The following RB1 variants were observed in gnomAD, a reference collection of about 807,000 sequenced individuals.
RB1 encodes the protein retinoblastoma-associated protein.
RB1 carries 18 observed loss-of-function variants against 135.4 expected under a neutral mutation model. The ratio of observed to expected loss-of-function variants is 0.13; its 90% CI spans 0.09 to 0.20. The LOEUF is 0.20. Among genes scored for constraint, RB1 ranks in the 10% least tolerant of loss-of-function variants. The probability of loss-of-function intolerance (pLI) is 1.00; values close to 1 mark genes in which losing one functional copy is unlikely to be tolerated. For synonymous variants in RB1, 365 were observed against 373.2 expected, an observed-to-expected ratio of 0.98 and a Z score of 0.25; for missense variants, 868 against 1,110.0, an observed-to-expected ratio of 0.78 and a Z score of 3.10.
intron 6 of RB1, 148 bp from the exon 7 acceptor site, chr13:48,359,869 T>TG: frequency 1.6e-6 from 2 of 1,258,236 alleles, no homozygotes; most frequent in South Asian, 3.4e-5. Context: ...ATTTTTTTTT[T>TG]TTTTACAAAA....
intron 17 of RB1, among the ~76,000 whole-genome samples, chr13:48,386,247 G>T (rs1473022550): frequency 1.3e-5 from 2 of 152,092 alleles, no homozygotes; most frequent in East Asian, 3.9e-4. Context: ...CTTCATTTAG[G>T]CAACTTTGTC....
At chr13:48,333,369 C>T (rs1952353563) in intron 2 of RB1, among the ~76,000 whole-genome samples, 6 of 152,142 alleles carry the variant, frequency 3.9e-5, no homozygotes, top group Admixed American at 3.9e-4. Flanking sequence ...TAGTAGATAT[C>T]AGTTTTGTAG....
intron 19 of RB1, among the ~76,000 whole-genome samples, chr13:48,457,303 C>G (rs1254110241): frequency 1.3e-5 from 2 of 152,160 alleles, no homozygotes; most frequent in African/African-American, 4.8e-5. Flanking sequence ...AGGGTAGCTC[C>G]TCTCTGCAGC....
At chr13:48,348,201 T>A (rs1952515283) in intron 5 of RB1, among the ~76,000 whole-genome samples, 1 of 151,950 alleles carries the variant, frequency 6.6e-6, no homozygotes, top group Non-Finnish European at 1.5e-5. Context: ...TCAGCATAAT[T>A]TCTGTGTGAG....
intron 17 of RB1, among the ~76,000 whole-genome samples, chr13:48,432,563 C>T (rs373363685): frequency 6.6e-6 from 1 of 151,922 alleles, no homozygotes; most frequent in African/African-American, 2.4e-5. Flanking sequence ...TCTCACCATT[C>T]GGTGATTAGG....
chr13:48,465,241 A>G lies in RB1; in HGVS notation c.2362A>G (p.Ser788Gly). 6.2e-7 allele frequency: 1 copy of G among 1,613,938 alleles called. No homozygotes were observed. Residue 788 changes from serine (S) to glycine (G), a missense_variant, in exon 23 of 27, where the codon AGC becomes GGC. Ser to Gly is a moderately conservative substitution (Grantham distance 56, BLOSUM62 0). Around this residue, in one of 3 missense-constraint regions of RB1, gnomAD observed 196 missense variants for 239.8 expected, o/e 0.82. Coordinates refer to ENST00000267163, the MANE Select transcript of RB1 (RefSeq NM_000321.3). Reference protein sequence around the residue: ...TLSPIPHIPRSPYKFPSSPLR... With the variant: ...TLSPIPHIPRGPYKFPSSPLR... The stretch of plus-strand genomic sequence containing the variant: ...GTCACCAATACCTCACATTCCTCGA[A>G]GCCCTTACAAGTTTCCTAGTTCACC...
In RB1 at chr13:48,389,007, A is replaced by C. The variant is rs139312011; in HGVS notation, c.1695+7564A>C. On this transcript the variant is annotated intron_variant, in intron 17 of 26. Transcript: ENST00000267163. Reference sequence around the variant, plus strand: ...AAACCCTGTCTCTACTAAAAATACAAAAATTAGCTGGGCCTGGTGGTGAAT... The same window carrying C: ...AAACCCTGTCTCTACTAAAAATACACAAATTAGCTGGGCCTGGTGGTGAAT... 5.6e-3 allele frequency among the ~76,000 whole-genome samples: 857 copies of C among 152,062 alleles called. 5 individuals are homozygous for C. The highest frequency in any genetic ancestry group is 0.01 in the Middle Eastern group (3 of 294).
intron 2 of RB1, chr13:48,318,844 C>T: frequency 2.0e-6 from 2 of 990,316 alleles, no homozygotes; most frequent in South Asian, 1.3e-5. Flanking sequence ...AGCAAACTCC[C>T]CGACTATGCC....
chr13:48,356,286 C>T (rs1295178281), intron 6 of RB1, among the ~76,000 whole-genome samples: 1 of 151,972 alleles, frequency 6.6e-6, no homozygotes, highest in African/African-American at 2.4e-5. Flanking sequence ...TAGTTGAGTG[C>T]ATTCACGAAT....
intron 2 of RB1, chr13:48,318,377 C>T: frequency 6.7e-7 from 1 of 1,488,202 alleles, no homozygotes; most frequent in Non-Finnish European, 9.2e-7. Context: ...TGAGCTTTCG[C>T]TTGGACCTTA....
At chr13:48,311,147 A>T (rs761333707) in intron 2 of RB1, among the ~76,000 whole-genome samples, 9 of 152,196 alleles carry the variant, frequency 5.9e-5, no homozygotes, top group Non-Finnish European at 1.3e-4. Context: ...TGTGAGTCTC[A>T]GTTTGCTCAC....
intron 17 of RB1, chr13:48,412,007 G>A (rs954570190): frequency 5.6e-6 from 9 of 1,611,126 alleles, no homozygotes; most frequent in Non-Finnish European, 6.8e-6. Flanking sequence ...TTAACCACAC[G>A]CCAGTGCAAA....
At chr13:48,393,796 A>G (rs903694118) in intron 17 of RB1, among the ~76,000 whole-genome samples, 2 of 152,212 alleles carry the variant, frequency 1.3e-5, no homozygotes. Flanking sequence ...TACGTCACAT[A>G]AACATTGAGT....
rs1212481028 is a variant in RB1, at chr13:48,368,563, T to A, written c.1086T>A (p.Leu362=). The stretch of plus-strand genomic sequence containing the variant: ...AGAGAACACCACGAAAAAGTAACCT[T>A]GATGAAGAGGTGAATGTAATTCCTC... ...ETQRTPRKSN[L]DEEVNVIPPH... Residue 362 remains leucine, a synonymous_variant, in exon 11 of 27, where the codon CTT becomes CTA. Coordinates refer to ENST00000267163, the MANE Select transcript of RB1 (RefSeq NM_000321.3). 6.2e-7 allele frequency: 1 copy of A among 1,613,546 alleles called. No homozygotes were observed. The highest frequency in any genetic ancestry group is 1.1e-5 in the South Asian group (1 of 91,064).
intron 6 of RB1, among the ~76,000 whole-genome samples, chr13:48,351,249 T>C (rs1292054535): frequency 6.6e-6 from 1 of 152,222 alleles, no homozygotes; most frequent in East Asian, 1.9e-4. Context: ...GTATCTGTTA[T>C]TTTTTGACTT....
chr13:48,400,556 T>TA (rs143341881), intron 17 of RB1, among the ~76,000 whole-genome samples: 2 of 152,250 alleles, frequency 1.3e-5, no homozygotes, highest in Non-Finnish European at 2.9e-5. Context: ...AAAAAGGGCC[T>TA]AGACTTTGAA....
chr13:48,481,532 T>C lies in RB1; in HGVS notation c.*1461T>C, dbSNP rs536592189. The C allele has an allele frequency of 4.3e-6, 1 of 231,062 alleles. No individual in the cohort carries two copies. Among genetic ancestry groups the C allele is most frequent in the Non-Finnish European group, 8.6e-6 (1 of 116,506 alleles). The allele number at this position is 231,062 out of a possible 1,614,324, so 14.3% of individuals were successfully genotyped here. On this transcript the variant is annotated 3_prime_UTR_variant, in exon 27 of 27. Transcript: ENST00000267163. ...CTTGTTAGAAAACAAAATTTTATTT[T>C]GTGCTCATTTAAGTTTCAAACTTAC...
chr13:48,307,812 G>A (rs1209911105), intron 2 of RB1, among the ~76,000 whole-genome samples: 6 of 150,588 alleles, frequency 4.0e-5, no homozygotes, highest in South Asian at 2.1e-4. Context: ...ACAGTGAGCC[G>A]AGATCGTGCC....
chr13:48,409,590 T>G (rs1412478478), intron 17 of RB1, among the ~76,000 whole-genome samples: 1 of 132,344 alleles, frequency 7.6e-6, no homozygotes. Flanking sequence ...TTTTTTTTTT[T>G]TTTTTTTTTG....
Sources: allele counts gnomAD v4.1 joint callset (sites outside exome capture counted in the v4.1 genomes callset), GRCh38; gene constraint gnomAD v4.1.1; regional missense constraint gnomAD v4.1.1; transcripts MANE v1.5; gene names NCBI Gene and HGNC (gene_info 2026-07-23, HGNC 2026-07-21).